EFCAB6: variants seen among roughly 807,000 people sequenced by gnomAD.
EFCAB6 encodes EF-hand calcium binding domain 6, also known as EF-hand calcium-binding domain-containing protein 6.
Under a neutral mutation model 169.8 loss-of-function variants are expected in EFCAB6, and 156 were observed. The ratio of observed to expected loss-of-function variants is 0.92; its 90% CI spans 0.81 to 1.05. The LOEUF is 1.05. Among genes scored for constraint, EFCAB6 ranks in the 50% least tolerant of loss-of-function variants. The pLI, the probability that EFCAB6 is intolerant of heterozygous loss-of-function variation, is 0.00. For missense variants in EFCAB6, 1,800 were observed against 1,829.1 expected (o/e 0.98, Z 0.29); for synonymous variants, 698 against 676.4 (o/e 1.03, Z -0.50).
intron 21 of EFCAB6, among the ~76,000 whole-genome samples, chr22:43,610,946 C>A (rs533905483): frequency 6.6e-6 from 1 of 152,174 alleles, no homozygotes; most frequent in Admixed American, 6.5e-5. Context: ...GAGAGACAGA[C>A]AGGTGAATAC....
Position 43,540,490 on chromosome 22 carries a change from T to TA in EFCAB6, c.3649-134dup, listed in dbSNP as rs567615321. The TA allele has an allele frequency of 2.9e-4, 447 of 1,533,758 alleles. 9 individuals are homozygous for TA. In the South Asian group the frequency reaches 4.8e-3, roughly 17 times the overall value. ...TCACGTGACTGGTGAAGAAGAAAAT[T>TA]AAAAAAATAAAACGCCCATTTGGCC... On this transcript the variant is annotated intron_variant, in intron 27 of 31. Coordinates refer to ENST00000262726, the MANE Select transcript of EFCAB6 (RefSeq NM_022785.4).
chr22:43,780,867 T>C (rs1006224019), intron 3 of EFCAB6, among the ~76,000 whole-genome samples: 38 of 152,086 alleles, frequency 2.5e-4, no homozygotes, highest in Admixed American at 1.7e-3. Flanking sequence ...CTTCACCCAA[T>C]TACAAGGCAA....
Position 43,626,513 on chromosome 22 carries a change from C to A in EFCAB6, c.2399G>T (p.Arg800Leu). Residue 800 changes from arginine (R) to leucine (L), a missense_variant, in exon 20 of 32, where the codon CGG (arginine) becomes CTG (leucine). Transcript: ENST00000262726. ...GLRLSVTLNFREFQNLCEKRP... is the reference protein window; with the variant it reads ...GLRLSVTLNFLEFQNLCEKRP... The stretch of plus-strand genomic sequence containing the variant: ...CTTCTCACACAAATTTTGAAATTCC[C>A]GAAAATTTAAAGTGACACTAAGTCT... 4.3e-6 allele frequency: 7 copies of A among 1,613,996 alleles called. No individual in the cohort carries two copies. The highest frequency in any genetic ancestry group is 5.9e-6 in the Non-Finnish European group (7 of 1,180,022).
intron 23 of EFCAB6, among the ~76,000 whole-genome samples, chr22:43,595,839 A>AAATCT (rs762892525): frequency 5.1e-4 from 78 of 152,202 alleles, no homozygotes; most frequent in Non-Finnish European, 9.6e-4. Context: ...ATACATGTAG[A>AAATCT]AATCCTCAAC....
chr22:43,577,708 G>A (rs772375967), intron 25 of EFCAB6, among the ~76,000 whole-genome samples: 1 of 152,114 alleles, frequency 6.6e-6, no homozygotes, highest in Non-Finnish European at 1.5e-5. Flanking sequence ...CAACTGTGCC[G>A]CAGGGGCAAT....
At chr22:43,557,933 C>T (rs891037376) in intron 26 of EFCAB6, among the ~76,000 whole-genome samples, 2 of 152,080 alleles carry the variant, frequency 1.3e-5, no homozygotes, top group Admixed American at 1.3e-4. Context: ...AATTCAGCAG[C>T]TATTCCTGAT....
intron 6 of EFCAB6, 36 bp downstream of exon 6, chr22:43,755,730 G>T: frequency 6.5e-7 from 1 of 1,544,112 alleles, no homozygotes; most frequent in Non-Finnish European, 8.8e-7. Flanking sequence ...CAATGGGTGG[G>T]GTGGGGGGAA....
intron 17 of EFCAB6, among the ~76,000 whole-genome samples, chr22:43,661,655 G>A (rs1220906787): frequency 2.0e-5 from 3 of 152,160 alleles, no homozygotes; most frequent in Non-Finnish European, 4.4e-5. Context: ...ACCATGGAAA[G>A]CACATGGCCT....
chr22:43,537,758 C>A lies in EFCAB6; in HGVS notation c.3880-213G>T, dbSNP rs1350813027. Among the ~76,000 whole-genome samples the A allele has an allele frequency of 6.6e-6, 1 of 151,964 alleles. No individual in the cohort carries two copies. Among genetic ancestry groups the A allele is most frequent in the African/African-American group, 2.4e-5 (1 of 41,354 alleles). ...TGTACTTATGCCAAGCCATAATAAC[C>A]AAAATAATTTTGGAAATAGCCATGT... is the stretch of plus-strand genomic sequence containing the variant. On this transcript the variant is annotated intron_variant, in intron 28 of 31. Coordinates refer to ENST00000262726, the MANE Select transcript of EFCAB6 (RefSeq NM_022785.4). This position sits in a 1 kb window ranked among gnomAD's most constrained non-coding sequence, Gnocchi z 4.3.
intron 1 of EFCAB6, among the ~76,000 whole-genome samples, chr22:43,811,800 G>A (rs1179499892): frequency 1.3e-5 from 2 of 152,120 alleles, no homozygotes; most frequent in Non-Finnish European, 2.9e-5. Flanking sequence ...TGAAATCAGG[G>A]GCATGAGACA....
intron 12 of EFCAB6, among the ~76,000 whole-genome samples, chr22:43,681,450 A>C (rs2058002516): frequency 6.6e-6 from 1 of 152,230 alleles, no homozygotes; most frequent in African/African-American, 2.4e-5. Context: ...TTTTGGTATC[A>C]GGGTAATACT....
chr22:43,773,254 G>A (rs1478670866), intron 3 of EFCAB6, 151 bp from the exon 4 acceptor site: 2 of 756,042 alleles, frequency 2.6e-6, no homozygotes, highest in South Asian at 1.9e-5. Context: ...TAGATGACTT[G>A]TAATGAAAAA....
Position 43,711,465 on chromosome 22 carries a change from A to G in EFCAB6, c.1031+10T>C. Reference sequence around the variant, plus strand: ...GGAAAAAAATGTCAAGGAAACAATGAGACTCTTACCTTTTCATTAACTGGA... The same window carrying G: ...GGAAAAAAATGTCAAGGAAACAATGGGACTCTTACCTTTTCATTAACTGGA... On this transcript the variant is annotated intron_variant, in intron 10 of 31. Transcript: ENST00000262726. 6.4e-7 allele frequency: 1 copy of G among 1,555,990 alleles called. No homozygotes were observed. The highest frequency in any genetic ancestry group is 8.6e-7 in the Non-Finnish European group (1 of 1,157,002).
chr22:43,654,186 A>C (rs764354313), intron 17 of EFCAB6, among the ~76,000 whole-genome samples: 8 of 152,224 alleles, frequency 5.3e-5, no homozygotes, highest in East Asian at 3.9e-4. Context: ...TGGTTGAGTA[A>C]GTTAGTAAGT....
At chr22:43,688,663 G>A (rs960042077) in intron 10 of EFCAB6, among the ~76,000 whole-genome samples, 2 of 152,156 alleles carry the variant, frequency 1.3e-5, no homozygotes, top group African/African-American at 4.8e-5. Flanking sequence ...GGAGGGTTGT[G>A]ATAAGGATTA....
intron 5 of EFCAB6, among the ~76,000 whole-genome samples, chr22:43,764,907 C>G (rs574496849): frequency 7.3e-5 from 8 of 108,844 alleles, no homozygotes; most frequent in African/African-American, 1.8e-4. Flanking sequence ...TTTCTAGCCA[C>G]GAAAACATCA....
At chr22:43,666,850 G>A (rs141514827) in intron 17 of EFCAB6, among the ~76,000 whole-genome samples, 41 of 151,814 alleles carry the variant, frequency 2.7e-4, no homozygotes, top group Middle Eastern at 6.8e-3. Flanking sequence ...TAGCCAAACC[G>A]CATCAATAAA....
chr22:43,603,751 G>A (rs2052705172), intron 22 of EFCAB6, among the ~76,000 whole-genome samples: 1 of 152,220 alleles, frequency 6.6e-6, no homozygotes, highest in South Asian at 2.1e-4. Flanking sequence ...ATGCAGCTGG[G>A]GACACAAGGA....
At chr22:43,806,414 C>G (rs1007980278) in intron 2 of EFCAB6, among the ~76,000 whole-genome samples, 6 of 151,912 alleles carry the variant, frequency 3.9e-5, no homozygotes, top group African/African-American at 1.5e-4. Context: ...GCCACCACAC[C>G]TGCCTAATTT....
Sources: gnomAD v4.1 joint callset for allele counts (sites outside exome capture counted in the v4.1 genomes callset) on GRCh38, gnomAD v4.1.1 for gene constraint, Gnocchi (gnomAD v3.1) non-coding constraint, MANE v1.5 for transcripts, NCBI Gene and HGNC (gene_info 2026-07-23, HGNC 2026-07-21) for gene names.